AFDN: variants seen among roughly 807,000 people sequenced by gnomAD.
AFDN encodes afadin, adherens junction formation factor, also known as afadin.
AFDN carries 68 observed loss-of-function variants against 216.6 expected under a neutral mutation model. That is an observed-to-expected ratio of 0.31 (90% CI 0.26 to 0.38). AFDN has a LOEUF of 0.38. AFDN is among the 10% of genes least tolerant of loss of function. The pLI is 1.00. For synonymous variants in AFDN, 868 were observed against 853.7 expected (o/e 1.02, Z -0.29); for missense variants, 2,136 against 2,342.0 (o/e 0.91, Z 1.82).
At chr6:167,862,383 T>G (rs1353334525) in intron 1 of AFDN, among the ~76,000 whole-genome samples, 2 of 149,152 alleles carry the variant, frequency 1.3e-5, no homozygotes, top group East Asian at 1.9e-4. Context: ...AAGGTTTGGT[T>G]TTTTTTTTTT....
chr6:167,896,225 C>CA (rs35338275), intron 9 of AFDN, among the ~76,000 whole-genome samples: 49,664 of 136,354 alleles, frequency 0.36, 9,014 homozygotes, highest in East Asian at 0.62. Context: ...TATAAAATGA[C>CA]AAAAAAAAAA....
At chr6:167,940,934 G>C (rs1391589454) in intron 23 of AFDN, among the ~76,000 whole-genome samples, 1 of 51,516 alleles carries the variant, frequency 1.9e-5, no homozygotes, top group African/African-American at 1.3e-4. Context: ...CCACAGGAGA[G>C]ATGTGTGGAC....
At chr6:167,894,223 T>C (rs1418107722) in intron 9 of AFDN, among the ~76,000 whole-genome samples, 1 of 152,090 alleles carries the variant, frequency 6.6e-6, no homozygotes, top group Non-Finnish European at 1.5e-5. Flanking sequence ...AAAGCACTCG[T>C]TGGGCGGTGC....
At chr6:167,849,042 T>C (rs1028621917) in intron 1 of AFDN, among the ~76,000 whole-genome samples, 1 of 152,162 alleles carries the variant, frequency 6.6e-6, no homozygotes, top group African/African-American at 2.4e-5. Context: ...GGCCCACTGG[T>C]ATTAGCTCTG....
intron 15 of AFDN, 69 bp from the exon 16 acceptor site, chr6:167,913,334 A>G (rs1243931825): frequency 1.4e-6 from 2 of 1,452,978 alleles, no homozygotes; most frequent in African/African-American, 1.4e-5. Context: ...ATTTTTTTAA[A>G]CTATCATGAT....
chr6:167,877,678 CT>C (rs1018123197), intron 5 of AFDN, among the ~76,000 whole-genome samples: 2 of 152,166 alleles, frequency 1.3e-5, no homozygotes, highest in African/African-American at 4.8e-5. Context: ...ATAACTTCCT[CT>C]GAAAAAATAT....
intron 30 of AFDN, among the ~76,000 whole-genome samples, chr6:167,955,594 A>G (rs1796419660): frequency 6.6e-6 from 1 of 152,218 alleles, no homozygotes; most frequent in Non-Finnish European, 1.5e-5. Flanking sequence ...TGAAGATACC[A>G]GCCAGCTCTC....
At chr6:167,966,486 G>A (rs1797576903) in intron 32 of AFDN, among the ~76,000 whole-genome samples, 1 of 152,122 alleles carries the variant, frequency 6.6e-6, no homozygotes, top group Non-Finnish European at 1.5e-5. Flanking sequence ...TTAGTACTCC[G>A]ATTTCTTTTA....
At chr6:167,854,233 C>T (rs966213608) in intron 1 of AFDN, among the ~76,000 whole-genome samples, 11 of 151,900 alleles carry the variant, frequency 7.2e-5, no homozygotes, top group Non-Finnish European at 1.6e-4. Context: ...GGCCGATTCA[C>T]TACTTTGTAT....
rs552026505 is a variant in AFDN, at chr6:167,969,968, C to T, written c.*33C>T. ...TGAGGAGAACACTTTGTATTTACCC[C>T]AAAATCTTTTCAGTTGTGGGTTTGT... is the stretch of plus-strand genomic sequence containing the variant. On this transcript the variant is annotated 3_prime_UTR_variant, in exon 34 of 34. Coordinates refer to ENST00000683244, the MANE Select transcript of AFDN (RefSeq NM_001386888.1). 5 of 1,567,430 alleles carry T rather than the reference C, an allele frequency of 3.2e-6. No individual in the cohort carries two copies. In the Admixed American group the frequency reaches 7.9e-5, roughly 25 times the overall value.
chr6:167,863,607 G>C (rs1272089786), intron 1 of AFDN, among the ~76,000 whole-genome samples: 1 of 152,196 alleles, frequency 6.6e-6, no homozygotes, highest in Non-Finnish European at 1.5e-5. Flanking sequence ...CTTTAATCTT[G>C]CTTGAGACAG....
intron 23 of AFDN, among the ~76,000 whole-genome samples, chr6:167,942,021 G>A (rs1794746237): frequency 6.6e-6 from 1 of 152,178 alleles, no homozygotes; most frequent in Admixed American, 6.5e-5. Flanking sequence ...GATATGTAAT[G>A]GATGGTTTTA....
In AFDN at chr6:167,962,523, C is replaced by A. The variant is rs769896424; in HGVS notation, c.4924C>A (p.Arg1642=). Residue 1642 remains arginine, a synonymous_variant, in exon 31 of 34, where the codon CGG becomes AGG. Coordinates refer to ENST00000683244, the MANE Select transcript of AFDN (RefSeq NM_001386888.1). This position sits in a 1 kb window ranked among gnomAD's most constrained non-coding sequence, Gnocchi z 5.2. ...CCGAGCGAGGCAAGAGGAAGAGCGC[C>A]GGCGGCAGGAGGAGGAGCGAACAAA... The part of the protein sequence containing the change: ...EDRARQEEER[R]RQEEERTKRD... 4.1e-5 allele frequency: 66 copies of A among 1,613,634 alleles called. No individual in the cohort carries two copies. Among genetic ancestry groups the A allele is most frequent in the Non-Finnish European group, 5.3e-5 (63 of 1,179,772 alleles).
intron 5 of AFDN, among the ~76,000 whole-genome samples, chr6:167,876,448 A>G (rs1009162111): frequency 6.6e-6 from 1 of 152,270 alleles, no homozygotes; most frequent in Admixed American, 6.5e-5. Context: ...AAGACAAAAC[A>G]AGGAGTCTGA....
chr6:167,912,494 C>T (rs1354956267), intron 15 of AFDN, among the ~76,000 whole-genome samples: 2 of 152,112 alleles, frequency 1.3e-5, no homozygotes, highest in Non-Finnish European at 2.9e-5. Flanking sequence ...GAGTGATTAG[C>T]ATGAGTTTGA....
At chr6:167,923,755 T>C (rs905950232) in intron 22 of AFDN, among the ~76,000 whole-genome samples, 3 of 151,650 alleles carry the variant, frequency 2.0e-5, no homozygotes, top group African/African-American at 4.8e-5. Context: ...TCCCAGTAGC[T>C]GGGATTACAG....
Position 167,962,828 on chromosome 6 carries a change from T to C in AFDN, c.4968+261T>C. The C allele has an allele frequency of 7.7e-7, 1 of 1,298,392 alleles. No individual in the cohort carries two copies. The allele number at this position is 1,298,392 out of a possible 1,614,324, so 80.4% of individuals were successfully genotyped here. A position where few individuals can be genotyped will look rare whatever the true frequency, so the allele number is the denominator to read the frequency against. Reference sequence around the variant, plus strand: ...CTGAACTCTTGGGCGTGTGTAGCAGTGAGCCTCTTTGCAAAGGGTTCGTTT... The same window carrying C: ...CTGAACTCTTGGGCGTGTGTAGCAGCGAGCCTCTTTGCAAAGGGTTCGTTT... On this transcript the variant is annotated intron_variant, in intron 31 of 33. Transcript: ENST00000683244. The surrounding 1 kb of genome is among the most constrained non-coding windows in gnomAD (Gnocchi z 5.2).
chr6:167,954,686 GTTAATT>G (rs1796325531), intron 30 of AFDN, among the ~76,000 whole-genome samples: 1 of 151,880 alleles, frequency 6.6e-6, no homozygotes, highest in Non-Finnish European at 1.5e-5. Context: ...GCTTTTCTCC[GTTAATT>G]TTAAGTGTTA....
intron 30 of AFDN, chr6:167,952,447 T>C (rs1796102308): frequency 2.0e-6 from 2 of 985,212 alleles, no homozygotes; most frequent in African/African-American, 3.5e-5. Flanking sequence ...ATTAGCAAAC[T>C]CATAATTATC....
Sources: allele counts gnomAD v4.1 joint callset (sites outside exome capture counted in the v4.1 genomes callset), GRCh38; gene constraint gnomAD v4.1.1; non-coding constraint Gnocchi (gnomAD v3.1); transcripts MANE v1.5; gene names NCBI Gene and HGNC (gene_info 2026-07-23, HGNC 2026-07-21).